The following RASGRF2 variants were observed in gnomAD, a reference collection of about 807,000 sequenced individuals.
RASGRF2 encodes the protein ras-specific guanine nucleotide-releasing factor 2.
RASGRF2 carries 76 observed loss-of-function variants against 151.0 expected under a neutral mutation model. The ratio of observed to expected loss-of-function variants is 0.50; its 90% CI spans 0.42 to 0.61. The LOEUF is 0.61. Ranked by LOEUF, RASGRF2 falls within the 20% of genes least tolerant of loss-of-function variation. The pLI, the probability that RASGRF2 is intolerant of heterozygous loss-of-function variation, is 0.00. For missense variants in RASGRF2, 1,148 were observed against 1,564.6 expected, an observed-to-expected ratio of 0.73 and a Z score of 4.49; for synonymous variants, 504 against 566.5, an observed-to-expected ratio of 0.89 and a Z score of 1.57.
chr5:80,991,651 T>A lies in RASGRF2; in HGVS notation c.288+30625T>A, dbSNP rs143778744. 3.0e-3 allele frequency among the ~76,000 whole-genome samples: 456 copies of A among 152,350 alleles called. 1 individual carries two copies. Among genetic ancestry groups the A allele is most frequent in the South Asian group, 6.0e-3 (29 of 4,822 alleles). On this transcript the variant is annotated intron_variant, in intron 1 of 26. Transcript: ENST00000265080. ...CCTGTTTGCTTTAATATCAATGAGATGTATATTGATGTACATTTTTAAAAA... is the reference window on the plus strand; with the variant it reads ...CCTGTTTGCTTTAATATCAATGAGAAGTATATTGATGTACATTTTTAAAAA...
chr5:81,112,836 C>T lies in RASGRF2; in HGVS notation c.2065C>T (p.Pro689Ser), dbSNP rs151071760. ...LGKLSDIYKR[P>S]FTSIPVRSLE... is the part of the protein sequence containing the mutation. ...GAAACTCTCCGACATATACAAGAGG[C>T]CTTTCACCTCCATCCCTGTCAGGTA... Residue 689 changes from proline to serine, a missense_variant, in exon 14 of 27, where the codon CCT becomes TCT. Transcript: ENST00000265080. 2.5e-6 allele frequency: 4 copies of T among 1,614,076 alleles called. No homozygotes were observed. In the African/African-American group the frequency reaches 4.0e-5, roughly 16 times the overall value.
At chr5:81,151,446 A>G (rs1754133145) in intron 17 of RASGRF2, among the ~76,000 whole-genome samples, 1 of 145,508 alleles carries the variant, frequency 6.9e-6, no homozygotes, top group South Asian at 2.2e-4. Context: ...GTGCAGTGGT[A>G]TCATTTCTTG....
At chr5:81,030,239 CAGG>C (rs1750191367) in intron 1 of RASGRF2, among the ~76,000 whole-genome samples, 1 of 152,164 alleles carries the variant, frequency 6.6e-6, no homozygotes, top group South Asian at 2.1e-4. Flanking sequence ...GGGTATTATC[CAGG>C]AGAACTTCCC....
rs573194506 is a variant in RASGRF2, at chr5:80,982,748, C to T, written c.288+21722C>T. Among the ~76,000 whole-genome samples, 16 of 152,026 alleles carry T rather than the reference C, an allele frequency of 1.1e-4. No homozygotes were observed. In the South Asian group the frequency reaches 3.3e-3, roughly 32 times the overall value. ...CCCGAGTAGCTGGGACTACAAGTGC[C>T]TGCCACCACCCCCGGCTCATTTTTT... On this transcript the variant is annotated intron_variant, in intron 1 of 26. Coordinates refer to ENST00000265080, the MANE Select transcript of RASGRF2 (RefSeq NM_006909.3).
chr5:81,085,206 T>A (rs1341060345), intron 7 of RASGRF2, among the ~76,000 whole-genome samples: 1 of 152,224 alleles, frequency 6.6e-6, no homozygotes, highest in African/African-American at 2.4e-5. Context: ...TATTAAGATC[T>A]TCCTCTGGTT....
At chr5:81,061,620 G>T in intron 2 of RASGRF2, among the ~76,000 whole-genome samples, 1 of 151,180 alleles carries the variant, frequency 6.6e-6, no homozygotes, top group East Asian at 2.0e-4. Context: ...TGATCCTCCT[G>T]CCTCAGCCTC....
At chr5:81,097,330 T>G (rs574504225) in intron 12 of RASGRF2, among the ~76,000 whole-genome samples, 19 of 152,190 alleles carry the variant, frequency 1.2e-4, no homozygotes, top group Non-Finnish European at 2.4e-4. Flanking sequence ...CTTTGACATT[T>G]GTGGTTTTAT....
At chr5:81,206,252 G>A (rs1223230411) in intron 19 of RASGRF2, among the ~76,000 whole-genome samples, 1 of 147,940 alleles carries the variant, frequency 6.8e-6, no homozygotes, top group African/African-American at 2.5e-5. Context: ...TGAATAACAT[G>A]TATGAGATTC....
chr5:80,969,858 C>CTTTTTT (rs1747873024), intron 1 of RASGRF2, among the ~76,000 whole-genome samples: 2 of 82,342 alleles, frequency 2.4e-5, no homozygotes, highest in African/African-American at 5.7e-5. Flanking sequence ...CAGAGTTTTG[C>CTTTTTT]TCTTGTTGCC....
chr5:81,046,332 A>T (rs544470504), intron 2 of RASGRF2, among the ~76,000 whole-genome samples: 136 of 152,182 alleles, frequency 8.9e-4, no homozygotes, highest in African/African-American at 3.0e-3. Flanking sequence ...AGAGAATCTT[A>T]GGGTCATTTT....
At chr5:81,061,925 G>T (rs1195553389) in intron 2 of RASGRF2, among the ~76,000 whole-genome samples, 1 of 147,034 alleles carries the variant, frequency 6.8e-6, no homozygotes, top group African/African-American at 2.5e-5. Context: ...CTGAGCTAAA[G>T]TGATCTGCCT....
chr5:81,077,409 T>A (rs1305986331), intron 5 of RASGRF2, among the ~76,000 whole-genome samples: 1 of 152,146 alleles, frequency 6.6e-6, no homozygotes, highest in Non-Finnish European at 1.5e-5. Flanking sequence ...AAGAGTAGTG[T>A]TGGAGAAAAG....
chr5:81,123,585 AC>A (rs1184229433), intron 15 of RASGRF2, 56 bp from the exon 16 acceptor site: 30 of 1,583,850 alleles, frequency 1.9e-5, no homozygotes, highest in Non-Finnish European at 2.5e-5. Context: ...CATGATACTG[AC>A]AAGAAGCTCT....
intron 24 of RASGRF2, 59 bp downstream of exon 24, chr5:81,216,014 T>C (rs548024083): frequency 5.8e-6 from 8 of 1,379,200 alleles, no homozygotes; most frequent in South Asian, 1.8e-5. Flanking sequence ...ACATAATGTA[T>C]ATAGTATACA....
chr5:81,164,699 T>C (rs1050779519), intron 17 of RASGRF2, among the ~76,000 whole-genome samples: 2 of 152,082 alleles, frequency 1.3e-5, no homozygotes, highest in African/African-American at 4.8e-5. Flanking sequence ...GATTTAGGGG[T>C]GGAATTCTTG....
chr5:81,047,207 A>G (rs547315634), intron 2 of RASGRF2, among the ~76,000 whole-genome samples: 2 of 152,346 alleles, frequency 1.3e-5, no homozygotes, highest in East Asian at 3.9e-4. Context: ...GAGTATGATT[A>G]TCGCTGGGAA....
At chr5:81,048,972 T>C (rs1474639159) in intron 2 of RASGRF2, among the ~76,000 whole-genome samples, 2 of 152,158 alleles carry the variant, frequency 1.3e-5, no homozygotes, top group Non-Finnish European at 2.9e-5. Context: ...TCGGTTGCTC[T>C]CCTAGGCACG....
chr5:81,055,244 TATG>T (rs1433634046), intron 2 of RASGRF2, among the ~76,000 whole-genome samples: 1 of 152,232 alleles, frequency 6.6e-6, no homozygotes, highest in Non-Finnish European at 1.5e-5. Context: ...GCCCATTCAG[TATG>T]ATATTTGCTG....
At chr5:81,178,664 C>T (rs190185420) in intron 17 of RASGRF2, among the ~76,000 whole-genome samples, 34 of 152,086 alleles carry the variant, frequency 2.2e-4, no homozygotes, top group Admixed American at 7.2e-4. Flanking sequence ...GCTGTTTTGT[C>T]GCTGAGATGG....
Sources: allele counts gnomAD v4.1 joint callset (sites outside exome capture counted in the v4.1 genomes callset), GRCh38; gene constraint gnomAD v4.1.1; transcripts MANE v1.5; gene names NCBI Gene and HGNC (gene_info 2026-07-23, HGNC 2026-07-21).